DCC: variants seen among roughly 807,000 people sequenced by gnomAD.
DCC encodes the protein DCC netrin 1 receptor.
Under a neutral mutation model 172.5 loss-of-function variants are expected in DCC, and 58 were observed. That is an observed-to-expected ratio of 0.34 (90% CI 0.27 to 0.42). The LOEUF (loss-of-function observed/expected upper bound fraction) is 0.42, where lower values mean the gene tolerates loss of function less well. Ranked by LOEUF, DCC falls within the 10% of genes least tolerant of loss-of-function variation. The pLI is 1.00. For missense variants in DCC, 1,740 were observed against 1,791.0 expected, an observed-to-expected ratio of 0.97 and a Z score of 0.51; for synonymous variants, 709 against 644.5, an observed-to-expected ratio of 1.10 and a Z score of -1.52.
chr18:52,769,101 T>G (rs1026135670), intron 2 of DCC, among the ~76,000 whole-genome samples: 11 of 152,226 alleles, frequency 7.2e-5, no homozygotes, highest in Non-Finnish European at 1.2e-4. Context: ...TCCTGATATG[T>G]ATTGAGAATT....
intron 5 of DCC, among the ~76,000 whole-genome samples, chr18:52,962,100 T>C (rs1443151760): frequency 6.7e-6 from 1 of 149,852 alleles, no homozygotes; most frequent in Non-Finnish European, 1.5e-5. Context: ...AAGCCAAAAT[T>C]GACAAATGGG....
intron 1 of DCC, among the ~76,000 whole-genome samples, chr18:52,566,976 CA>C (rs576173993): frequency 4.2e-3 from 633 of 152,234 alleles, no homozygotes; most frequent in Non-Finnish European, 7.6e-3. Flanking sequence ...CAGCAAAAAG[CA>C]GGGACTTTTC....
chr18:52,632,164 T>G (rs1272260389), intron 1 of DCC, among the ~76,000 whole-genome samples: 1 of 152,182 alleles, frequency 6.6e-6, no homozygotes, highest in Non-Finnish European at 1.5e-5. Flanking sequence ...GAGAATAAAT[T>G]ACTCAATTGG....
At chr18:53,395,876 C>T (rs989256431) in intron 17 of DCC, among the ~76,000 whole-genome samples, 1 of 152,116 alleles carries the variant, frequency 6.6e-6, no homozygotes, top group Non-Finnish European at 1.5e-5. Flanking sequence ...CTCCTGACCT[C>T]GAGTGATCCA....
chr18:52,699,531 T>C (rs1292470791), intron 1 of DCC, among the ~76,000 whole-genome samples: 1 of 152,208 alleles, frequency 6.6e-6, no homozygotes, highest in Admixed American at 6.5e-5. Flanking sequence ...TTTTTGACCA[T>C]TCATGAATAT....
chr18:53,058,165 T>C (rs1302926059), intron 5 of DCC, among the ~76,000 whole-genome samples: 2 of 152,152 alleles, frequency 1.3e-5, no homozygotes, highest in Non-Finnish European at 2.9e-5. Context: ...TTTCTATCTG[T>C]AAAATAAAAC....
intron 12 of DCC, among the ~76,000 whole-genome samples, chr18:53,242,628 C>CTTTCTTG (rs1435285227): frequency 4.6e-4 from 70 of 152,062 alleles, no homozygotes; most frequent in African/African-American, 1.7e-3. Flanking sequence ...TATCTAAGAA[C>CTTTCTTG]CAAATAAATG....
chr18:52,639,661 C>G (rs1435525516), intron 1 of DCC, among the ~76,000 whole-genome samples: 1 of 151,626 alleles, frequency 6.6e-6, no homozygotes, highest in East Asian at 1.9e-4. Flanking sequence ...ACTGAACAGA[C>G]CAATAACAAC....
At chr18:52,344,052 G>A (rs757935262) in intron 1 of DCC, among the ~76,000 whole-genome samples, 3 of 152,230 alleles carry the variant, frequency 2.0e-5, no homozygotes, top group Non-Finnish European at 4.4e-5. Context: ...TAGGCTTAGT[G>A]CCTTTGCTTT....
At chr18:53,023,862 A>G (rs1400912940) in intron 5 of DCC, among the ~76,000 whole-genome samples, 1 of 152,168 alleles carries the variant, frequency 6.6e-6, no homozygotes, top group African/African-American at 2.4e-5. Context: ...CATAGAAAGC[A>G]TGCTATCCTG....
At chr18:53,394,717 A>G (rs918036193) in intron 17 of DCC, among the ~76,000 whole-genome samples, 2 of 152,206 alleles carry the variant, frequency 1.3e-5, no homozygotes, top group Admixed American at 6.5e-5. Flanking sequence ...GAGACAATGC[A>G]TGAAATAATG....
chr18:53,432,939 A>C (rs1911715624), intron 21 of DCC, among the ~76,000 whole-genome samples: 1 of 152,100 alleles, frequency 6.6e-6, no homozygotes, highest in Non-Finnish European at 1.5e-5. Flanking sequence ...TTTTGGCTGA[A>C]GTGGTGCAAG....
intron 2 of DCC, among the ~76,000 whole-genome samples, chr18:52,881,622 A>G (rs1331489990): frequency 6.6e-6 from 1 of 151,982 alleles, no homozygotes; most frequent in Non-Finnish European, 1.5e-5. Context: ...AAGTATATGG[A>G]TTTATTGCTG....
intron 1 of DCC, among the ~76,000 whole-genome samples, chr18:52,402,484 A>G (rs1003335452): frequency 2.6e-5 from 4 of 151,988 alleles, no homozygotes; most frequent in Non-Finnish European, 5.9e-5. Context: ...CCAGGAAAGT[A>G]CCCATCAAGC....
intron 12 of DCC, among the ~76,000 whole-genome samples, chr18:53,292,117 C>CG (rs202078764): frequency 0.044 from 6,656 of 151,320 alleles, 478 homozygotes; most frequent in African/African-American, 0.15. Flanking sequence ...AGCTCCACCC[C>CG]CCCCCCCTTT....
intron 7 of DCC, among the ~76,000 whole-genome samples, chr18:53,123,480 C>T (rs1422355324): frequency 6.6e-6 from 1 of 152,078 alleles, no homozygotes. Context: ...GCAAGTCATT[C>T]TAAGGCCTCA....
intron 19 of DCC, among the ~76,000 whole-genome samples, chr18:53,404,457 C>T (rs948765675): frequency 3.2e-5 from 4 of 125,610 alleles, no homozygotes; most frequent in Admixed American, 2.5e-4. Context: ...TTTGACTGGG[C>T]GCGGTGGCTC....
chr18:53,037,402 C>T (rs770829178), intron 5 of DCC, among the ~76,000 whole-genome samples: 1 of 151,946 alleles, frequency 6.6e-6, no homozygotes, highest in Non-Finnish European at 1.5e-5. Flanking sequence ...CTTAATAAGG[C>T]ACAATGTCCA....
intron 1 of DCC, among the ~76,000 whole-genome samples, chr18:52,733,911 A>G (rs1346730951): frequency 6.6e-6 from 1 of 152,206 alleles, no homozygotes; most frequent in African/African-American, 2.4e-5. Context: ...CCAGAAGCAT[A>G]AGAGTATATT....
Sources: allele counts gnomAD v4.1 joint callset (sites outside exome capture counted in the v4.1 genomes callset), GRCh38; gene constraint gnomAD v4.1.1; transcripts MANE v1.5; gene names NCBI Gene and HGNC (gene_info 2026-07-23, HGNC 2026-07-21).